Variants in PDE1C observed in about 807,000 individuals in gnomAD.
PDE1C encodes the protein phosphodiesterase 1C.
Under a neutral mutation model 93.1 loss-of-function variants are expected in PDE1C, and 62 were observed. The ratio of observed to expected loss-of-function variants is 0.67; its 90% CI spans 0.54 to 0.82. PDE1C has a LOEUF of 0.82. Ranked by LOEUF, PDE1C falls within the 40% of genes least tolerant of loss-of-function variation. The probability of loss-of-function intolerance (pLI) is 0.00; values close to 1 mark genes in which losing one functional copy is unlikely to be tolerated. For synonymous variants in PDE1C, 325 were observed against 310.1 expected, an observed-to-expected ratio of 1.05 and a Z score of -0.50; for missense variants, 742 against 884.6, an observed-to-expected ratio of 0.84 and a Z score of 2.04.
chr7:31,674,671 A>C, the PDE1C span, among the ~76,000 whole-genome samples: 2 of 152,214 alleles, frequency 1.3e-5, no homozygotes, highest in African/African-American at 4.8e-5. Context: ...ATCAGTGGGG[A>C]AAGAATGGAC....
At chr7:31,793,578 T>C (rs1319557348) in intron 16 of PDE1C, among the ~76,000 whole-genome samples, 3 of 150,576 alleles carry the variant, frequency 2.0e-5, no homozygotes, top group African/African-American at 7.3e-5. Context: ...GTTATAAAAC[T>C]CTAAATAGAA....
At chr7:31,713,726 T>C in the PDE1C span, among the ~76,000 whole-genome samples, 3 of 152,228 alleles carry the variant, frequency 2.0e-5, no homozygotes, top group African/African-American at 7.2e-5. Flanking sequence ...TCTTGACTTC[T>C]GTGCACTCGC....
At chr7:31,630,208 G>GAAAAAA in the PDE1C span, among the ~76,000 whole-genome samples, 1 of 29,852 alleles carries the variant, frequency 3.3e-5, no homozygotes, top group African/African-American at 1.3e-4. Context: ...ATTACCAGAG[G>GAAAAAA]AAAAGAGGCA....
intron 16 of PDE1C, among the ~76,000 whole-genome samples, chr7:31,797,348 G>C (rs575483888): frequency 6.6e-6 from 1 of 151,720 alleles, no homozygotes; most frequent in Non-Finnish European, 1.5e-5. Flanking sequence ...GCTGCAGTGG[G>C]ATACCTTCCT....
At chr7:31,967,924 A>C (rs548432504) in intron 2 of PDE1C, among the ~76,000 whole-genome samples, 10 of 152,168 alleles carry the variant, frequency 6.6e-5, no homozygotes, top group Admixed American at 2.0e-4. Flanking sequence ...CATGCTAAAA[A>C]CTCTCCATAA....
upstream of PDE1C, chr7:32,070,465 A>G: frequency 6.3e-7 from 1 of 1,583,498 alleles, no homozygotes; most frequent in South Asian, 1.2e-5. Context: ...CTCCTCGCCC[A>G]GCTCGCGATG....
intron 2 of PDE1C, among the ~76,000 whole-genome samples, chr7:31,898,036 G>T (rs1020414487): frequency 4.7e-4 from 69 of 145,936 alleles, no homozygotes; most frequent in African/African-American, 1.7e-3. Context: ...GTGTGTGTGT[G>T]TGTGTGTGTG....
At chr7:31,625,898 T>C in the PDE1C span, among the ~76,000 whole-genome samples, 18,139 of 152,216 alleles carry the variant, frequency 0.12, 1,231 homozygotes, top group Middle Eastern at 0.17. Context: ...ATTGAAACAT[T>C]GTATTTCAGA....
At chr7:32,087,350 A>G (rs1422806405) in intron 3 of PDE1C, among the ~76,000 whole-genome samples, 2 of 152,162 alleles carry the variant, frequency 1.3e-5, no homozygotes, top group Non-Finnish European at 2.9e-5. Context: ...GTCAGGAAAC[A>G]ACAGTTGCTG....
At chr7:31,624,887 A>G in the PDE1C span, among the ~76,000 whole-genome samples, 1 of 152,254 alleles carries the variant, frequency 6.6e-6, no homozygotes, top group Non-Finnish European at 1.5e-5. Context: ...ACAAAGGGCT[A>G]ATATCCAGAA....
At chr7:32,035,339 G>A (rs544888944) in intron 2 of PDE1C, among the ~76,000 whole-genome samples, 18 of 152,220 alleles carry the variant, frequency 1.2e-4, no homozygotes, top group African/African-American at 4.3e-4. Context: ...CTCTCACTCT[G>A]AACCCCTAAA....
intron 8 of PDE1C, among the ~76,000 whole-genome samples, chr7:31,849,030 C>T (rs560037564): frequency 2.6e-5 from 4 of 152,120 alleles, no homozygotes; most frequent in Non-Finnish European, 5.9e-5. Context: ...TTGAACAGGG[C>T]CAATGTTTAA....
At chr7:31,981,565 G>A (rs1363713545) in intron 2 of PDE1C, among the ~76,000 whole-genome samples, 1 of 152,112 alleles carries the variant, frequency 6.6e-6, no homozygotes, top group Admixed American at 6.6e-5. Flanking sequence ...TAAGAATAAA[G>A]AATTTATGAA....
intron 2 of PDE1C, among the ~76,000 whole-genome samples, chr7:32,006,171 A>C (rs1328431740): frequency 6.6e-6 from 1 of 152,208 alleles, no homozygotes; most frequent in Non-Finnish European, 1.5e-5. Flanking sequence ...AATCACCTAA[A>C]ATAAATACCG....
upstream of PDE1C, chr7:32,071,368 T>C: frequency 2.0e-6 from 2 of 985,460 alleles, no homozygotes; most frequent in Non-Finnish European, 2.4e-6. Context: ...CATTTTGAAA[T>C]ATTGAAGCGA....
chr7:31,629,833 ATTC>A, the PDE1C span, among the ~76,000 whole-genome samples: 1 of 152,212 alleles, frequency 6.6e-6, no homozygotes, highest in East Asian at 1.9e-4. Flanking sequence ...GCATCCATAT[ATTC>A]TTCCTGAAAA....
intron 2 of PDE1C, among the ~76,000 whole-genome samples, chr7:31,997,862 T>C (rs889691221): frequency 7.9e-5 from 12 of 152,132 alleles, no homozygotes; most frequent in Non-Finnish European, 5.9e-5. Flanking sequence ...GAATTGGGAT[T>C]CCAAAACTCT....
chr7:31,724,351 T>A, the PDE1C span, among the ~76,000 whole-genome samples: 8 of 152,214 alleles, frequency 5.3e-5, no homozygotes, highest in Non-Finnish European at 1.2e-4. Context: ...CTATGTCCCC[T>A]CACCTCTTGA....
At chr7:32,211,590 G>C (rs3936264) in intron 1 of PDE1C, among the ~76,000 whole-genome samples, 1 of 139,466 alleles carries the variant, frequency 7.2e-6, no homozygotes, top group Non-Finnish European at 1.5e-5. Context: ...TAAAAAAAAA[G>C]GGGGGGGTAA....
Sources: allele counts gnomAD v4.1 joint callset (sites outside exome capture counted in the v4.1 genomes callset), GRCh38; gene constraint gnomAD v4.1.1; transcripts MANE v1.5; gene names NCBI Gene and HGNC (gene_info 2026-07-23, HGNC 2026-07-21).